TBC1D32: variants seen among roughly 807,000 people sequenced by gnomAD.
The protein encoded by TBC1D32 is protein broad-minded.
TBC1D32 carries 151 observed loss-of-function variants against 170.3 expected under a neutral mutation model. The observed-to-expected ratio is 0.89, with a 90% CI of 0.78 to 1.01. The LOEUF (loss-of-function observed/expected upper bound fraction) is 1.01. Among genes scored for constraint, TBC1D32 ranks in the 50% least tolerant of loss-of-function variants. TBC1D32 has a pLI of 0.00. For synonymous variants in TBC1D32, 498 were observed against 488.0 expected (o/e 1.02, Z -0.27); for missense variants, 1,464 against 1,457.1 (o/e 1.00, Z -0.08).
intron 17 of TBC1D32, among the ~76,000 whole-genome samples, chr6:121,253,985 C>CT (rs1252608470): frequency 6.6e-6 from 1 of 151,992 alleles, no homozygotes; most frequent in East Asian, 1.9e-4. Context: ...TGAAACCAAT[C>CT]TAAGTGCCCA....
Position 121,283,942 on chromosome 6 carries a change from T to C in TBC1D32, c.1373-32A>G, listed in dbSNP as rs774682168. 2.1e-6 allele frequency: 3 copies of C among 1,441,984 alleles called. No individual in the cohort carries two copies. The African/African-American group carries it at 4.3e-5, about 21-fold the overall frequency. The allele number at this position is 1,441,984 out of a possible 1,614,324, so 89.3% of individuals were successfully genotyped here. A position where few individuals can be genotyped will look rare whatever the true frequency, so the allele number is the denominator to read the frequency against. On this transcript the variant is annotated intron_variant, in intron 12 of 31. Coordinates refer to ENST00000398212, the MANE Select transcript of TBC1D32 (RefSeq NM_152730.6). ...AAAGAAAATAAAGAGAAAATTAATT[T>C]CTAGCATATTCTTTCAACTTAAGAG...
At chr6:121,120,022 A>T (rs1780094379) in intron 26 of TBC1D32, among the ~76,000 whole-genome samples, 2 of 152,206 alleles carry the variant, frequency 1.3e-5, no homozygotes, top group African/African-American at 4.8e-5. Flanking sequence ...ATTCTATAAT[A>T]AAAAAATCAT....
At chr6:121,190,082 ACACACACACACACACACAC>A (rs1789761440) in intron 22 of TBC1D32, among the ~76,000 whole-genome samples, 1 of 14,066 alleles carries the variant, frequency 7.1e-5, no homozygotes, top group African/African-American at 3.3e-4. Context: ...AGACACACAC[ACACACACACACACACACAC>A]ACACACACAC....
At chr6:121,162,405 A>T (rs115839879) in intron 22 of TBC1D32, among the ~76,000 whole-genome samples, 1,886 of 152,268 alleles carry the variant, frequency 0.012, 38 homozygotes, top group African/African-American at 0.043. Flanking sequence ...ACGTATCACA[A>T]AATAATAAGC....
chr6:121,096,562 G>A (rs949670269), intron 30 of TBC1D32, among the ~76,000 whole-genome samples: 29 of 152,036 alleles, frequency 1.9e-4, no homozygotes, highest in Admixed American at 6.6e-5. Flanking sequence ...CAAACAAATG[G>A]AAAAACATTC....
At chr6:121,088,843 G>C (rs1011068649) in intron 31 of TBC1D32, among the ~76,000 whole-genome samples, 2 of 152,126 alleles carry the variant, frequency 1.3e-5, no homozygotes, top group Non-Finnish European at 2.9e-5. Context: ...TTTAACAGAG[G>C]CTTAGGTCAT....
chr6:121,130,417 G>T (rs1273730), intron 25 of TBC1D32, among the ~76,000 whole-genome samples: 84 of 152,258 alleles, frequency 5.5e-4, no homozygotes, highest in African/African-American at 1.9e-3. Flanking sequence ...AGGAGGCGGA[G>T]GTTGTAGTGA....
chr6:121,285,281 G>A (rs952376003), intron 12 of TBC1D32, among the ~76,000 whole-genome samples: 2 of 152,282 alleles, frequency 1.3e-5, no homozygotes, highest in African/African-American at 2.4e-5. Context: ...AAATCAAAGG[G>A]CAAAAGTGCA....
chr6:121,318,263 C>T (rs1383573597), intron 2 of TBC1D32, among the ~76,000 whole-genome samples: 1 of 151,996 alleles, frequency 6.6e-6, no homozygotes, highest in Non-Finnish European at 1.5e-5. Context: ...TTCCTGAAAT[C>T]ATTAGGAGTG....
intron 26 of TBC1D32, among the ~76,000 whole-genome samples, chr6:121,122,178 T>C (rs1245749603): frequency 6.6e-6 from 1 of 151,982 alleles, no homozygotes; most frequent in East Asian, 1.9e-4. Flanking sequence ...CTGTTGGCCC[T>C]ATCTTTAAAA....
At chr6:121,181,184 T>C (rs1273766) in intron 22 of TBC1D32, among the ~76,000 whole-genome samples, 17,723 of 151,976 alleles carry the variant, frequency 0.12, 1,496 homozygotes, top group Admixed American at 0.23. Context: ...AGTATGGAGG[T>C]TCCTCAAAAA....
rs770697795 is a variant in TBC1D32 at position 121,308,028 on chromosome 6, G to A, written c.638C>T (p.Thr213Ile). The A allele has an allele frequency of 3.7e-6, 6 of 1,613,842 alleles. No individual in the cohort carries two copies. Among genetic ancestry groups the A allele is most frequent in the Non-Finnish European group, 5.1e-6 (6 of 1,179,842 alleles). ...SDVLNCENWT[T>I]LCEKLTVSLS... ...AGACACGGTCAGTTTTTCGCAGAGAGTAGTCCAATTTTCACAGTTGAGGAC... is the reference window on the plus strand; with the variant it reads ...AGACACGGTCAGTTTTTCGCAGAGAATAGTCCAATTTTCACAGTTGAGGAC... Residue 213 changes from threonine (T) to isoleucine (I), a missense_variant, in exon 5 of 32, where the codon ACT (threonine) becomes ATT (isoleucine). Thr to Ile is a moderately conservative substitution (Grantham distance 89, BLOSUM62 -1). Coordinates refer to ENST00000398212, the MANE Select transcript of TBC1D32 (RefSeq NM_152730.6).
rs113518791 is a variant in TBC1D32, at chr6:121,154,436, C to T, written c.2773+5574G>A. Among the ~76,000 whole-genome samples, 1,357 of 152,284 alleles carry T rather than the reference C, an allele frequency of 8.9e-3. 10 individuals carry two copies. The highest frequency in any genetic ancestry group is 0.041 in the South Asian group (199 of 4,828). On this transcript the variant is annotated intron_variant, in intron 24 of 31. Transcript: ENST00000398212. ...CTGAGGACTGGAGCTGTTCCTATTA[C>T]GCCATCTTGTCAGGGAATCAGATTA...
intron 21 of TBC1D32, among the ~76,000 whole-genome samples, chr6:121,221,619 G>A (rs2128326855): frequency 6.6e-6 from 1 of 152,320 alleles, no homozygotes; most frequent in South Asian, 2.1e-4. Context: ...CCTAATGGAT[G>A]ACTTAAAGAA....
intron 31 of TBC1D32, among the ~76,000 whole-genome samples, chr6:121,083,306 T>C (rs987219653): frequency 2.0e-5 from 3 of 152,094 alleles, no homozygotes; most frequent in African/African-American, 7.2e-5. Context: ...ATTTTTTTAA[T>C]AGATTACTAC....
intron 22 of TBC1D32, among the ~76,000 whole-genome samples, chr6:121,194,271 ATG>A (rs1790439618): frequency 6.6e-6 from 1 of 152,126 alleles, no homozygotes; most frequent in East Asian, 1.9e-4. Flanking sequence ...AGCTGGCAGA[ATG>A]CCCACATTGA....
Position 121,281,487 on chromosome 6 carries a change from A to C in TBC1D32, c.1608+57T>G, listed in dbSNP as rs574409907. ...CAAATTTAGAAATAAAGTCCCACTG[A>C]GTATCCACTAATACCCAGGTAAGAG... On this transcript the variant is annotated intron_variant, in intron 14 of 31. Transcript: ENST00000398212. 3.7e-6 allele frequency: 5 copies of C among 1,362,702 alleles called. No individual in the cohort carries two copies. The African/African-American group carries it at 5.9e-5, about 16-fold the overall frequency. 84.4% of individuals were successfully genotyped at this position (1,362,702 alleles called of 1,614,324 possible).
At chr6:121,101,267 G>T (rs557254247) in intron 30 of TBC1D32, among the ~76,000 whole-genome samples, 29,139 of 151,458 alleles carry the variant, frequency 0.19, 3,846 homozygotes, top group African/African-American at 0.36. Flanking sequence ...TATCAAAGCC[G>T]GTCAGAGACA....
chr6:121,260,926 G>A (rs1427018819), intron 15 of TBC1D32, among the ~76,000 whole-genome samples: 2 of 152,212 alleles, frequency 1.3e-5, no homozygotes, highest in African/African-American at 4.8e-5. Context: ...TCCAGGCCGT[G>A]CTTTTCCCTG....
Sources: gnomAD v4.1 joint callset for allele counts (sites outside exome capture counted in the v4.1 genomes callset) on GRCh38, gnomAD v4.1.1 for gene constraint, MANE v1.5 for transcripts, NCBI Gene and HGNC (gene_info 2026-07-23, HGNC 2026-07-21) for gene names.